Variants in FCN1 observed in about 807,000 individuals in gnomAD.
The protein encoded by FCN1 is ficolin 1, also known as ficolin-1.
FCN1 carries 42 observed loss-of-function variants against 35.6 expected under a neutral mutation model. That is an observed-to-expected ratio of 1.18 (90% CI 0.92 to 1.53). The LOEUF (loss-of-function observed/expected upper bound fraction) is 1.53, where lower values mean the gene tolerates loss of function less well. Among genes scored for constraint, FCN1 ranks in the 40% most tolerant of loss-of-function variants. The pLI is 0.00. For synonymous variants in FCN1, 179 were observed against 169.8 expected (o/e 1.05, Z -0.42); for missense variants, 439 against 428.4 (o/e 1.02, Z -0.22).
intron 2 of FCN1, among the ~76,000 whole-genome samples, chr9:134,915,108 C>A (rs1406518784): frequency 1.3e-5 from 2 of 152,168 alleles, no homozygotes; most frequent in African/African-American, 4.8e-5. Context: ...AAGCCTGGAC[C>A]CAAGTCACCC....
rs1402335869 is a variant in FCN1, at chr9:134,903,398, A to G, written c.*6400T>C. ...CATTGGCAAATTTAAAATAATTGAA[A>G]TCATATTAAGTTTGTTCTCTGACCC... On this transcript the variant is annotated 3_prime_UTR_variant, in exon 9 of 9. Transcript: ENST00000371806. Among the ~76,000 whole-genome samples the G allele has an allele frequency of 6.6e-6, 1 of 152,168 alleles. No homozygotes were observed. The highest frequency in any genetic ancestry group is 1.5e-5 in the Non-Finnish European group (1 of 67,996).
chr9:134,903,770 G>A lies in FCN1; in HGVS notation c.*6028C>T, dbSNP rs1830911689. Among the ~76,000 whole-genome samples, 1 of 152,174 alleles carries A rather than the reference G, an allele frequency of 6.6e-6. No homozygotes were observed. Among genetic ancestry groups the A allele is most frequent in the South Asian group, 2.1e-4 (1 of 4,830 alleles). Reference sequence around the variant, plus strand: ...ATGTCTTTAAAAACGACTCTGACTGGTGTGTTGAAGAAAATGGAAGATGGT... The same window carrying A: ...ATGTCTTTAAAAACGACTCTGACTGATGTGTTGAAGAAAATGGAAGATGGT... On this transcript the variant is annotated 3_prime_UTR_variant, in exon 9 of 9. Coordinates refer to ENST00000371806, the MANE Select transcript of FCN1 (RefSeq NM_002003.5).
At chr9:134,911,295 G>C in intron 7 of FCN1, 28 bp from the exon 8 acceptor site, 1 of 1,609,872 alleles carries the variant, frequency 6.2e-7, no homozygotes, top group South Asian at 1.1e-5. Context: ...TAAGGCCCCA[G>C]CCTTTAAGAT....
Position 134,909,600 on chromosome 9 carries a change from G to A in FCN1, c.*198C>T, listed in dbSNP as rs1249325012. On this transcript the variant is annotated 3_prime_UTR_variant, in exon 9 of 9. Transcript: ENST00000371806. ...ACTGGTAAAACTTTTCTGTCCCAAA[G>A]TAAACATATTTAGAAACATAATTCT... The A allele has an allele frequency of 1.3e-6, 2 of 1,513,772 alleles. No individual in the cohort carries two copies. Among genetic ancestry groups the A allele is most frequent in the African/African-American group, 1.4e-5 (1 of 72,764 alleles). 93.8% of individuals were successfully genotyped at this position (1,513,772 alleles called of 1,614,324 possible). A position where few individuals can be genotyped will look rare whatever the true frequency, so the allele number is the denominator to read the frequency against.
chr9:134,914,241 G>A, intron 4 of FCN1, 144 bp downstream of exon 4: 1 of 769,488 alleles, frequency 1.3e-6, no homozygotes. Context: ...TGACAACAAA[G>A]CCCGCTGGAC....
rs774154168 is a variant in FCN1 at position 134,911,229 on chromosome 9, C to G, written c.637G>C (p.Gly213Arg). The change falls in exon 8 of 9, where the codon GGC becomes CGC. Residue 213 changes from glycine (G) to arginine (R), a missense_variant. By Grantham distance (125) the Gly-to-Arg change is moderately radical. Transcript: ENST00000371806. ...ELRVDLVDFEGNHQFAKYKSF... is the reference protein window; with the variant it reads ...ELRVDLVDFERNHQFAKYKSF... ...TTGTACTTAGCAAACTGGTGGTTGCCCTCAAAGTCCACCAGGTCTACACGG... is the reference window on the plus strand; with the variant it reads ...TTGTACTTAGCAAACTGGTGGTTGCGCTCAAAGTCCACCAGGTCTACACGG... 1 of 1,611,292 alleles carries G rather than the reference C, an allele frequency of 6.2e-7. No homozygotes were observed. The highest frequency in any genetic ancestry group is 1.1e-5 in the South Asian group (1 of 90,818).
At position 134,907,708 on chromosome 9, in the gene FCN1, A is replaced by G. The variant is rs1266055657; in HGVS notation, c.*2090T>C. 6.6e-6 allele frequency: 1 copy of G among 152,146 alleles called. No individual in the cohort carries two copies. The allele number at this position is 152,146 out of a possible 1,614,324, so 9.4% of individuals were successfully genotyped here. On this transcript the variant is annotated 3_prime_UTR_variant, in exon 9 of 9. Transcript: ENST00000371806. ...ATCTACAATGGAATCCATAGCACAT[A>G]CCCTCTTGAACAGGCTCCTTTTGCT...
At position 134,905,920 on chromosome 9, in the gene FCN1, CT is replaced by C; in HGVS notation, c.*3877del. The C allele has an allele frequency of 8.2e-6, 1 of 121,568 alleles. No homozygotes were observed. Among genetic ancestry groups the C allele is most frequent in the Non-Finnish European group, 1.5e-5 (1 of 64,578 alleles). The allele number at this position is 121,568 out of a possible 1,614,324, so 7.5% of individuals were successfully genotyped here. A position where few individuals can be genotyped will look rare whatever the true frequency, so the allele number is the denominator to read the frequency against. On this transcript the variant is annotated 3_prime_UTR_variant, in exon 9 of 9. Transcript: ENST00000371806. The stretch of plus-strand genomic sequence containing the variant: ...TCTTCTTCTTCTTCTTCTTCTTCTT[CT>C]TCTCCCTCTCCCTCTCCCTCTCCCT...
In FCN1 at chr9:134,917,473, A is replaced by G. The variant is rs182938289; in HGVS notation, c.103+296T>C. On this transcript the variant is annotated intron_variant, in intron 1 of 8. Coordinates refer to ENST00000371806, the MANE Select transcript of FCN1 (RefSeq NM_002003.5). ...GGTAAGCCCGTAAGAAGATAAAGTCAACAGTATTTTCTTCCTTCTCAGTGA... is the reference window on the plus strand; with the variant it reads ...GGTAAGCCCGTAAGAAGATAAAGTCGACAGTATTTTCTTCCTTCTCAGTGA... 2.1e-3 allele frequency among the ~76,000 whole-genome samples: 325 copies of G among 152,268 alleles called. 14 individuals carry two copies. The South Asian group carries it at 0.062, about 29-fold the overall frequency.
intron 6 of FCN1, 90 bp from the exon 7 acceptor site, chr9:134,912,705 G>C: frequency 1.3e-6 from 2 of 1,561,788 alleles, no homozygotes; most frequent in East Asian, 4.5e-5. Context: ...AGCATTTGTA[G>C]TTGGCAGAGC....
At chr9:134,911,652 G>A (rs988602010) in intron 7 of FCN1, among the ~76,000 whole-genome samples, 5 of 152,004 alleles carry the variant, frequency 3.3e-5, no homozygotes, top group African/African-American at 1.2e-4. Flanking sequence ...GTGCCCGGCT[G>A]GGGATGGATA....
chr9:134,917,497 G>A (rs76944832), intron 1 of FCN1, among the ~76,000 whole-genome samples: 4,218 of 152,214 alleles, frequency 0.028, 191 homozygotes, highest in African/African-American at 0.097. Flanking sequence ...CCTTCTCAGT[G>A]ACAGATTCCA....
chr9:134,916,276 G>A lies in FCN1; in HGVS notation c.217+72C>T, dbSNP rs918602086. ...CACGGTGGGGGTGTTGCCCAACTCT[G>A]CATCCAGTTTCATAAAGAGCAAGAG... On this transcript the variant is annotated intron_variant, in intron 2 of 8. Coordinates refer to ENST00000371806, the MANE Select transcript of FCN1 (RefSeq NM_002003.5). 15 of 1,177,732 alleles carry A rather than the reference G, an allele frequency of 1.3e-5. No homozygotes were observed. In the African/African-American group the frequency reaches 1.4e-4, roughly 11 times the overall value. The allele number at this position is 1,177,732 out of a possible 1,614,324, so 73.0% of individuals were successfully genotyped here.
chr9:134,915,744 C>T (rs556298959), intron 2 of FCN1, among the ~76,000 whole-genome samples: 7 of 152,334 alleles, frequency 4.6e-5, no homozygotes, highest in African/African-American at 1.7e-4. Flanking sequence ...TAAGGCAGCG[C>T]CCTTTCTGAG....
At chr9:134,912,092 G>A (rs760515625) in intron 7 of FCN1, among the ~76,000 whole-genome samples, 1 of 152,216 alleles carries the variant, frequency 6.6e-6, no homozygotes, top group Non-Finnish European at 1.5e-5. Flanking sequence ...GTGCGGCTGT[G>A]GGGGGCCTGC....
At position 134,909,150 on chromosome 9, in the gene FCN1, G is replaced by A. The variant is rs764765976; in HGVS notation, c.*648C>T. On this transcript the variant is annotated 3_prime_UTR_variant, in exon 9 of 9. Coordinates refer to ENST00000371806, the MANE Select transcript of FCN1 (RefSeq NM_002003.5). ...AAGGCCTCTTCGGAATCTTCTCTGTGCAGGTGGCTGACCAGGCGCTCACTT... is the reference window on the plus strand; with the variant it reads ...AAGGCCTCTTCGGAATCTTCTCTGTACAGGTGGCTGACCAGGCGCTCACTT... 7 of 1,226,036 alleles carry A rather than the reference G, an allele frequency of 5.7e-6. No homozygotes were observed. The African/African-American group carries it at 7.7e-5, about 14-fold the overall frequency. 75.9% of individuals were successfully genotyped at this position (1,226,036 alleles called of 1,614,324 possible). A position where few individuals can be genotyped will look rare whatever the true frequency, so the allele number is the denominator to read the frequency against.
At position 134,906,656 on chromosome 9, in the gene FCN1, T is replaced by A. The variant is rs1208007407; in HGVS notation, c.*3142A>T. The A allele has an allele frequency of 1.3e-5, 2 of 152,222 alleles. No homozygotes were observed. Among genetic ancestry groups the A allele is most frequent in the Non-Finnish European group, 2.9e-5 (2 of 68,040 alleles). The allele number at this position is 152,222 out of a possible 1,614,324, so 9.4% of individuals were successfully genotyped here. A position where few individuals can be genotyped will look rare whatever the true frequency, so the allele number is the denominator to read the frequency against. On this transcript the variant is annotated 3_prime_UTR_variant, in exon 9 of 9. Transcript: ENST00000371806. The stretch of plus-strand genomic sequence containing the variant: ...AAGATTTCCATGTAATATTACAAGA[T>A]GATTTTGATTAGTTAGTTCCACATT...
chr9:134,914,321 C>T (rs1831064273), intron 4 of FCN1, 64 bp downstream of exon 4: 1 of 1,485,782 alleles, frequency 6.7e-7, no homozygotes, highest in Non-Finnish European at 9.4e-7. Context: ...GGACTGAGGC[C>T]TCTGAGACCC....
Position 134,912,488 on chromosome 9 carries a change from T to C in FCN1, c.596A>G (p.Gln199Arg), listed in dbSNP as rs1346394649. ...GNDNIHALTA[Q>R]GSSELRVDLV... is the part of the protein sequence containing the mutation. ...CTGAGCCACGGCAGTGGCCCTACCCTGGGCAGTCAGGGCGTGGATGTTGTC... is the reference window on the plus strand; with the variant it reads ...CTGAGCCACGGCAGTGGCCCTACCCCGGGCAGTCAGGGCGTGGATGTTGTC... The change falls in exon 7 of 9, where the codon CAG (glutamine) becomes CGG (arginine). Residue 199 changes from glutamine (Q) to arginine (R), a missense_variant and splice_region_variant. Coordinates refer to ENST00000371806, the MANE Select transcript of FCN1 (RefSeq NM_002003.5). 2 of 1,613,696 alleles carry C rather than the reference T, an allele frequency of 1.2e-6. No homozygotes were observed. Among genetic ancestry groups the C allele is most frequent in the Non-Finnish European group, 8.5e-7 (1 of 1,179,856 alleles).
Sources: allele counts gnomAD v4.1 joint callset (sites outside exome capture counted in the v4.1 genomes callset), GRCh38; gene constraint gnomAD v4.1.1; transcripts MANE v1.5; gene names NCBI Gene and HGNC (gene_info 2026-07-23, HGNC 2026-07-21).